Variants in SUGCT observed in about 807,000 individuals in gnomAD.
SUGCT encodes the protein succinyl-CoA:glutarate-CoA transferase.
SUGCT carries 41 observed loss-of-function variants against 55.0 expected under a neutral mutation model. The observed-to-expected ratio is 0.74, with a 90% CI of 0.58 to 0.97. SUGCT has a LOEUF of 0.97. Among genes scored for constraint, SUGCT ranks in the 50% least tolerant of loss-of-function variants. The pLI is 0.00. For missense variants in SUGCT, 568 were observed against 547.8 expected (o/e 1.04, Z -0.37); for synonymous variants, 187 against 200.4 (o/e 0.93, Z 0.56).
chr7:40,932,095 A>G, the SUGCT span, among the ~76,000 whole-genome samples: 1 of 152,166 alleles, frequency 6.6e-6, no homozygotes, highest in South Asian at 2.1e-4. Flanking sequence ...GCTGCTTTAA[A>G]TGTGTCTCAG....
At chr7:40,634,717 C>T (rs1015375300) in intron 12 of SUGCT, among the ~76,000 whole-genome samples, 3 of 152,090 alleles carry the variant, frequency 2.0e-5, no homozygotes, top group African/African-American at 7.2e-5. Flanking sequence ...AGCATTAACA[C>T]CTAAGGAAAT....
the SUGCT span, among the ~76,000 whole-genome samples, chr7:40,982,656 A>AT: frequency 2.6e-4 from 39 of 149,646 alleles, 1 homozygote; most frequent in South Asian, 1.1e-3. Flanking sequence ...TCTCTTTTTG[A>AT]TTTTTTTTTT....
chr7:40,333,768 T>TC (rs1796496033), intron 9 of SUGCT, among the ~76,000 whole-genome samples: 1 of 146,370 alleles, frequency 6.8e-6, no homozygotes, highest in East Asian at 2.0e-4. Context: ...CTCTTTTTTT[T>TC]TAAATTTAAG....
At chr7:41,037,739 A>G in the SUGCT span, among the ~76,000 whole-genome samples, 1 of 145,452 alleles carries the variant, frequency 6.9e-6, no homozygotes, top group Admixed American at 6.8e-5. Context: ...CCATGTGTGC[A>G]CTTTTTTTTT....
chr7:40,572,953 T>C (rs1796535485), intron 12 of SUGCT, among the ~76,000 whole-genome samples: 1 of 152,140 alleles, frequency 6.6e-6, no homozygotes, highest in Admixed American at 6.5e-5. Context: ...CTCTGCGTTA[T>C]TTGGAGAGTG....
intron 12 of SUGCT, among the ~76,000 whole-genome samples, chr7:40,541,009 T>C (rs931443225): frequency 3.9e-5 from 6 of 152,174 alleles, no homozygotes; most frequent in Non-Finnish European, 8.8e-5. Flanking sequence ...GGTGCCATGG[T>C]AGGTGTTACA....
At chr7:40,380,553 A>G (rs1292664298) in intron 9 of SUGCT, among the ~76,000 whole-genome samples, 3 of 152,058 alleles carry the variant, frequency 2.0e-5, no homozygotes, top group Non-Finnish European at 4.4e-5. Flanking sequence ...TTTGAAGAAG[A>G]CTTCTTTGAC....
chr7:40,707,065 A>T (rs1433510542), intron 12 of SUGCT, among the ~76,000 whole-genome samples: 2 of 152,168 alleles, frequency 1.3e-5, no homozygotes, highest in African/African-American at 4.8e-5. Flanking sequence ...GCTTCCTCGG[A>T]TACCTGGATA....
chr7:40,290,187 C>T (rs556172609), intron 8 of SUGCT, among the ~76,000 whole-genome samples: 14 of 152,180 alleles, frequency 9.2e-5, no homozygotes, highest in African/African-American at 2.9e-4. Flanking sequence ...AAAAAGAGCC[C>T]GCATCGCCAA....
chr7:40,508,527 C>T (rs1308147599), intron 12 of SUGCT, among the ~76,000 whole-genome samples: 1 of 152,068 alleles, frequency 6.6e-6, no homozygotes, highest in Non-Finnish European at 1.5e-5. Context: ...TAGACTGCCT[C>T]GGTTAAAGCT....
chr7:40,973,809 T>C, the SUGCT span, among the ~76,000 whole-genome samples: 1 of 152,370 alleles, frequency 6.6e-6, no homozygotes, highest in Non-Finnish European at 1.5e-5. Context: ...TTGTATTTTA[T>C]TTATATATGT....
intron 12 of SUGCT, among the ~76,000 whole-genome samples, chr7:40,688,645 A>T (rs1388326200): frequency 6.6e-6 from 1 of 152,122 alleles, no homozygotes; most frequent in African/African-American, 2.4e-5. Context: ...TTTCAAAGGA[A>T]ATACACTCAA....
At chr7:40,482,022 A>G (rs1791079984) in intron 11 of SUGCT, among the ~76,000 whole-genome samples, 1 of 152,202 alleles carries the variant, frequency 6.6e-6, no homozygotes, top group South Asian at 2.1e-4. Flanking sequence ...CTAGGAATTC[A>G]ATGAAACTTG....
chr7:40,410,568 G>T (rs2151341110), intron 9 of SUGCT, among the ~76,000 whole-genome samples: 1 of 152,236 alleles, frequency 6.6e-6, no homozygotes, highest in East Asian at 1.9e-4. Context: ...AGATCGAGTA[G>T]TGGCAATATT....
At chr7:40,644,183 G>T (rs1800392213) in intron 12 of SUGCT, among the ~76,000 whole-genome samples, 1 of 152,180 alleles carries the variant, frequency 6.6e-6, no homozygotes, top group South Asian at 2.1e-4. Flanking sequence ...GGTTTCCTGG[G>T]AGAAACTCTG....
At chr7:40,996,029 G>A in the SUGCT span, among the ~76,000 whole-genome samples, 14 of 152,156 alleles carry the variant, frequency 9.2e-5, no homozygotes, top group Non-Finnish European at 1.3e-4. Context: ...CAGGAAACAT[G>A]TTTCTCCAGT....
chr7:40,557,615 A>T (rs570285088), intron 12 of SUGCT, among the ~76,000 whole-genome samples: 2 of 152,188 alleles, frequency 1.3e-5, no homozygotes, highest in East Asian at 3.9e-4. Flanking sequence ...TCTACTAAAA[A>T]TACAAAAATT....
intron 1 of SUGCT, among the ~76,000 whole-genome samples, chr7:40,143,552 C>T (rs1301851219): frequency 2.6e-5 from 4 of 152,228 alleles, no homozygotes; most frequent in Non-Finnish European, 2.9e-5. Flanking sequence ...CTCTGGCCTG[C>T]GGTGCGCACA....
chr7:40,173,258 C>T (rs866998506), intron 1 of SUGCT, among the ~76,000 whole-genome samples: 10 of 152,178 alleles, frequency 6.6e-5, no homozygotes, highest in African/African-American at 1.7e-4. Context: ...GGAACAATGG[C>T]GAGCCTGTAG....
Sources: gnomAD v4.1 joint callset for allele counts (sites outside exome capture counted in the v4.1 genomes callset) on GRCh38, gnomAD v4.1.1 for gene constraint, MANE v1.5 for transcripts, NCBI Gene and HGNC (gene_info 2026-07-23, HGNC 2026-07-21) for gene names.